CNTNAP2: variants seen among roughly 807,000 people sequenced by gnomAD.
CNTNAP2 encodes contactin-associated protein-like 2.
CNTNAP2 carries 98 observed loss-of-function variants against 155.2 expected under a neutral mutation model. The observed-to-expected ratio is 0.63, with a 90% CI of 0.54 to 0.75. CNTNAP2 has a LOEUF of 0.75. Ranked by LOEUF, CNTNAP2 falls within the 30% of genes least tolerant of loss-of-function variation. The pLI is 0.00. For missense variants in CNTNAP2, 1,727 were observed against 1,688.1 expected (o/e 1.02, Z -0.40); for synonymous variants, 651 against 631.2 (o/e 1.03, Z -0.47).
chr7:147,364,747 G>T (rs753951346), intron 9 of CNTNAP2, among the ~76,000 whole-genome samples: 4 of 152,056 alleles, frequency 2.6e-5, no homozygotes, highest in Non-Finnish European at 4.4e-5. Flanking sequence ...TACTCGGGAG[G>T]CTGAGGCAGG....
chr7:147,148,646 G>A lies in CNTNAP2; in HGVS notation c.1348+16137G>A, dbSNP rs1477119253. On this transcript the variant is annotated intron_variant, in intron 8 of 23. Transcript: ENST00000361727. ...TTCCTTCTGATGTTCAGATGTGTCC[G>A]AAGTTTCTTCCTTCCTGTGGGTTCG... Among the ~76,000 whole-genome samples the A allele has an allele frequency of 4.6e-5, 7 of 152,068 alleles. No homozygotes were observed. The South Asian group carries it at 8.3e-4, about 18-fold the overall frequency.
chr7:147,200,108 T>A (rs968969155), intron 8 of CNTNAP2, among the ~76,000 whole-genome samples: 24 of 151,728 alleles, frequency 1.6e-4, no homozygotes, highest in African/African-American at 5.8e-4. Flanking sequence ...CCTGTTTTCT[T>A]CCCTCTGGCA....
At chr7:148,054,263 CG>C (rs1802966064) in intron 15 of CNTNAP2, among the ~76,000 whole-genome samples, 1 of 151,950 alleles carries the variant, frequency 6.6e-6, no homozygotes, top group East Asian at 1.9e-4. Context: ...TGAGCCACTG[CG>C]CCCGGCTAAT....
intron 1 of CNTNAP2, among the ~76,000 whole-genome samples, chr7:146,123,402 C>G (rs1797590807): frequency 6.6e-6 from 1 of 152,182 alleles, no homozygotes; most frequent in South Asian, 2.1e-4. Flanking sequence ...CCTTCTTCAT[C>G]TGCACTGGGA....
chr7:147,723,189 TTTTA>T (rs1402357519), intron 13 of CNTNAP2, among the ~76,000 whole-genome samples: 1 of 152,052 alleles, frequency 6.6e-6, no homozygotes, highest in Non-Finnish European at 1.5e-5. Flanking sequence ...ATTCTTGCAT[TTTTA>T]TTTAAGTTGA....
At chr7:147,202,149 A>G (rs1243856285) in intron 8 of CNTNAP2, among the ~76,000 whole-genome samples, 1 of 152,106 alleles carries the variant, frequency 6.6e-6, no homozygotes, top group Non-Finnish European at 1.5e-5. Flanking sequence ...TAAAAGTAGG[A>G]ATTAATGAAA....
At chr7:146,184,673 G>A (rs548675744) in intron 1 of CNTNAP2, among the ~76,000 whole-genome samples, 1 of 152,302 alleles carries the variant, frequency 6.6e-6, no homozygotes, top group Admixed American at 6.5e-5. Flanking sequence ...ACTTCATGAA[G>A]GATGGTTGGA....
intron 15 of CNTNAP2, among the ~76,000 whole-genome samples, chr7:148,050,673 TCA>T (rs1802872044): frequency 6.6e-6 from 1 of 152,216 alleles, no homozygotes; most frequent in African/African-American, 2.4e-5. Context: ...GCCTTCACGT[TCA>T]CTCTCCACTC....
At chr7:148,333,686 A>G (rs1184346603) in intron 21 of CNTNAP2, among the ~76,000 whole-genome samples, 2 of 152,230 alleles carry the variant, frequency 1.3e-5, no homozygotes, top group Non-Finnish European at 1.5e-5. Flanking sequence ...AAAGGGATTC[A>G]TGTAGAGACA....
At chr7:147,635,474 C>T (rs549958508) in intron 12 of CNTNAP2, among the ~76,000 whole-genome samples, 1 of 152,186 alleles carries the variant, frequency 6.6e-6, no homozygotes, top group South Asian at 2.1e-4. Context: ...TCCTTAGATA[C>T]ATTCCCTAGA....
At chr7:147,372,727 C>T (rs1181004497) in intron 9 of CNTNAP2, among the ~76,000 whole-genome samples, 1 of 151,954 alleles carries the variant, frequency 6.6e-6, no homozygotes, top group Non-Finnish European at 1.5e-5. Flanking sequence ...CAGATAAATA[C>T]TTTTTTAAAA....
intron 1 of CNTNAP2, among the ~76,000 whole-genome samples, chr7:146,698,534 C>A (rs975732003): frequency 2.0e-5 from 3 of 152,034 alleles, no homozygotes; most frequent in African/African-American, 7.2e-5. Context: ...TTCTTGGCTT[C>A]TTTGAAGATT....
rs1585363475 is a variant in CNTNAP2, at chr7:148,416,041, C to G, written c.*425C>G. 5.2e-6 allele frequency: 1 copy of G among 191,058 alleles called. No homozygotes were observed. The highest frequency in any genetic ancestry group is 1.1e-5 in the Non-Finnish European group (1 of 92,630). The allele number at this position is 191,058 out of a possible 1,614,324, so 11.8% of individuals were successfully genotyped here. ...GCACCTACAGATGGCCCCCAACATT[C>G]TCTTCCTTTTGCTTCTAGTCAACCT... On this transcript the variant is annotated 3_prime_UTR_variant, in exon 24 of 24. Coordinates refer to ENST00000361727, the MANE Select transcript of CNTNAP2 (RefSeq NM_014141.6).
At chr7:147,553,701 G>A (rs1799895811) in intron 11 of CNTNAP2, among the ~76,000 whole-genome samples, 1 of 152,094 alleles carries the variant, frequency 6.6e-6, no homozygotes, top group African/African-American at 2.4e-5. Flanking sequence ...TTAGCAATAA[G>A]AAAGGGGCTG....
At chr7:146,996,027 C>A (rs1331019908) in intron 3 of CNTNAP2, among the ~76,000 whole-genome samples, 2 of 151,652 alleles carry the variant, frequency 1.3e-5, no homozygotes, top group Non-Finnish European at 2.9e-5. Context: ...TTTTTAGCAG[C>A]TTTATAGTTT....
chr7:146,840,752 T>C (rs954246196), intron 3 of CNTNAP2, among the ~76,000 whole-genome samples: 9 of 152,222 alleles, frequency 5.9e-5, no homozygotes, highest in African/African-American at 9.7e-5. Context: ...TTGTAGACTT[T>C]GTATTTTAAA....
chr7:146,814,618 A>G (rs1428775652), intron 2 of CNTNAP2, among the ~76,000 whole-genome samples: 2 of 152,188 alleles, frequency 1.3e-5, no homozygotes, highest in African/African-American at 4.8e-5. Context: ...AATCTATAAC[A>G]TTTGTTAAAC....
In CNTNAP2 at chr7:148,304,270, G is replaced by A. The variant is rs1372198218; in HGVS notation, c.3475+37144G>A. On this transcript the variant is annotated intron_variant, in intron 21 of 23. Transcript: ENST00000361727. ...TGCTTTGTTTTTATACTTTGTTATC[G>A]TCCTGGAAAAAAATGTCTGCTGCCT... Among the ~76,000 whole-genome samples, 6 of 79,532 alleles carry A rather than the reference G, an allele frequency of 7.5e-5. No homozygotes were observed. The Admixed American group carries it at 9.2e-4, about 12-fold the overall frequency. The allele number at this position is 79,532 out of a possible 152,430, so 52.2% of individuals were successfully genotyped here. A position where few individuals can be genotyped will look rare whatever the true frequency, so the allele number is the denominator to read the frequency against.
intron 3 of CNTNAP2, among the ~76,000 whole-genome samples, chr7:146,920,802 T>C (rs1796483958): frequency 6.6e-6 from 1 of 152,130 alleles, no homozygotes; most frequent in South Asian, 2.1e-4. Context: ...AGTGCACGAG[T>C]TGTGAGTAAG....
Sources: gnomAD v4.1 joint callset for allele counts (sites outside exome capture counted in the v4.1 genomes callset) on GRCh38, gnomAD v4.1.1 for gene constraint, MANE v1.5 for transcripts, NCBI Gene and HGNC (gene_info 2026-07-23, HGNC 2026-07-21) for gene names.